ADAM32: variants seen among roughly 807,000 people sequenced by gnomAD.
ADAM32 encodes the protein ADAM metallopeptidase domain 32, also known as disintegrin and metalloproteinase domain-containing protein 32.
ADAM32 carries 89 observed loss-of-function variants against 114.9 expected under a neutral mutation model. The observed-to-expected ratio is 0.77, with a 90% confidence interval of 0.65 to 0.92. The LOEUF (loss-of-function observed/expected upper bound fraction) is 0.92. Among genes scored for constraint, ADAM32 ranks in the 40% least tolerant of loss-of-function variants. The probability of loss-of-function intolerance (pLI) is 0.00; values close to 1 mark genes in which losing one functional copy is unlikely to be tolerated. For synonymous variants in ADAM32, 285 were observed against 307.5 expected, an observed-to-expected ratio of 0.93 and a Z score of 0.77; for missense variants, 870 against 932.8, an observed-to-expected ratio of 0.93 and a Z score of 0.88.
Position 39,107,770 on chromosome 8 carries a change from C to G in ADAM32, c.-6C>G. 1 of 1,550,554 alleles carries G rather than the reference C, an allele frequency of 6.4e-7. No homozygotes were observed. Among genetic ancestry groups the G allele is most frequent in the Non-Finnish European group, 8.7e-7 (1 of 1,146,692 alleles). ...GGCTTCCCGCTGGCAGCCCCGAAGC[C>G]GCACCATGTTCCGCCTCTGGTTGCT... On this transcript the variant is annotated 5_prime_UTR_variant, in exon 1 of 25. Coordinates refer to ENST00000379907, the MANE Select transcript of ADAM32 (RefSeq NM_145004.7).
intron 14 of ADAM32, among the ~76,000 whole-genome samples, chr8:39,230,763 T>C (rs1464516418): frequency 1.3e-5 from 2 of 152,154 alleles, no homozygotes; most frequent in African/African-American, 2.4e-5. Context: ...ATGTGTATCA[T>C]AGAAGGTGCA....
chr8:39,132,313 T>A (rs1029236393), intron 2 of ADAM32, among the ~76,000 whole-genome samples: 5 of 152,260 alleles, frequency 3.3e-5, no homozygotes, highest in African/African-American at 9.6e-5. Context: ...ATACTCAATA[T>A]TTTGCTATTT....
Position 39,282,952 on chromosome 8 carries a change from G to A in ADAM32, c.2319-634G>A, listed in dbSNP as rs569689704. Among the ~76,000 whole-genome samples the A allele has an allele frequency of 2.6e-5, 4 of 152,220 alleles. No individual in the cohort carries two copies. The East Asian group carries it at 5.8e-4, about 22-fold the overall frequency. On this transcript the variant is annotated intron_variant, in intron 23 of 24. Transcript: ENST00000379907. ...AAAATAGCAAAGGTAGGGAAAGGAC[G>A]AAAGAAGTAAAATTGTGCATTATCA...
Position 39,151,533 on chromosome 8 carries a change from T to A in ADAM32, c.510T>A (p.Ile170=). Residue 170 remains isoleucine, a synonymous_variant, in exon 6 of 25, where the codon ATT becomes ATA. Transcript: ENST00000379907. ...SLKEQPMDDN[I]FISEKSEPAV... ...AAGAACAACCAATGGATGACAACAT[T>A]TTTATAAGTGAAAAAGTGAGTTGTA... is the stretch of plus-strand genomic sequence containing the variant. The A allele has an allele frequency of 2.6e-6, 4 of 1,568,516 alleles. No homozygotes were observed. Among genetic ancestry groups the A allele is most frequent in the Non-Finnish European group, 3.4e-6 (4 of 1,163,132 alleles).
chr8:39,136,809 G>C lies in ADAM32; in HGVS notation c.200+91G>C, dbSNP rs183448691. The C allele has an allele frequency of 7.2e-5, 64 of 886,302 alleles. No individual in the cohort carries two copies. In the East Asian group the frequency reaches 1.9e-3, roughly 27 times the overall value. 54.9% of individuals were successfully genotyped at this position (886,302 alleles called of 1,614,324 possible). A position where few individuals can be genotyped will look rare whatever the true frequency, so the allele number is the denominator to read the frequency against. On this transcript the variant is annotated intron_variant, in intron 3 of 24. Coordinates refer to ENST00000379907, the MANE Select transcript of ADAM32 (RefSeq NM_145004.7). ...AAATGGAGTATGAGAAAAATACATGGAATTATTAACTTTTTTAATTGTCTT... is the reference window on the plus strand; with the variant it reads ...AAATGGAGTATGAGAAAAATACATGCAATTATTAACTTTTTTAATTGTCTT...
intron 12 of ADAM32, among the ~76,000 whole-genome samples, chr8:39,212,837 G>T (rs1253070403): frequency 6.6e-6 from 1 of 152,074 alleles, no homozygotes; most frequent in Non-Finnish European, 1.5e-5. Context: ...TTCCAAAATG[G>T]TTGTATCTTT....
At chr8:39,185,898 T>C (rs898729036) in intron 10 of ADAM32, among the ~76,000 whole-genome samples, 1 of 151,696 alleles carries the variant, frequency 6.6e-6, no homozygotes, top group Non-Finnish European at 1.5e-5. Context: ...TTTTTTTAAA[T>C]GCAGGGGCTC....
At chr8:39,124,876 C>T (rs1802020681) in intron 2 of ADAM32, among the ~76,000 whole-genome samples, 1 of 152,170 alleles carries the variant, frequency 6.6e-6, no homozygotes, top group Non-Finnish European at 1.5e-5. Context: ...AAAGGGATTG[C>T]TAGGTCAAAT....
At chr8:39,255,774 T>C (rs1039238003) in intron 18 of ADAM32, among the ~76,000 whole-genome samples, 1 of 152,096 alleles carries the variant, frequency 6.6e-6, no homozygotes, top group Admixed American at 6.6e-5. Flanking sequence ...CATTTGTTTT[T>C]GGGTTCTTGC....
At position 39,223,085 on chromosome 8, in the gene ADAM32, T is replaced by C; in HGVS notation, c.1372T>C (p.Cys458Arg). The change falls in exon 14 of 25, where the codon TGT becomes CGT. Residue 458 changes from cysteine to arginine, a missense_variant. Physicochemically the swap from Cys to Arg is radical, Grantham distance 180. Coordinates refer to ENST00000379907, the MANE Select transcript of ADAM32 (RefSeq NM_145004.7). ...VECRPKAHPE[C>R]DIAENCNGTS... ...ATGTAGGCCGAAAGCACATCCTGAA[T>C]GTGACATCGCTGAAAATTGTAATGG... 6.3e-7 allele frequency: 1 copy of C among 1,591,948 alleles called. No homozygotes were observed. The highest frequency in any genetic ancestry group is 1.2e-5 in the South Asian group (1 of 86,836).
intron 11 of ADAM32, among the ~76,000 whole-genome samples, chr8:39,206,646 T>G (rs2129448114): frequency 6.6e-6 from 1 of 152,304 alleles, no homozygotes; most frequent in Admixed American, 6.5e-5. Flanking sequence ...ATCCTTGAGG[T>G]CACCTTCTTG....
chr8:39,156,523 T>C (rs916560349), intron 6 of ADAM32, among the ~76,000 whole-genome samples: 2 of 152,206 alleles, frequency 1.3e-5, no homozygotes, highest in Non-Finnish European at 2.9e-5. Flanking sequence ...TTGTTACTGT[T>C]TTGTGTGCTT....
At chr8:39,242,306 C>A (rs182700336) in intron 16 of ADAM32, among the ~76,000 whole-genome samples, 4 of 152,334 alleles carry the variant, frequency 2.6e-5, no homozygotes, top group East Asian at 3.9e-4. Context: ...CTGCCTGTTA[C>A]CCAGTTCCAA....
intron 9 of ADAM32, chr8:39,168,068 T>TATGACAA (rs2129446331): frequency 6.6e-6 from 1 of 152,254 alleles, no homozygotes; most frequent in African/African-American, 2.4e-5. Context: ...TGTTTATCTT[T>TATGACAA]ATGACAAATA....
chr8:39,153,199 G>A (rs1030024385), intron 6 of ADAM32, among the ~76,000 whole-genome samples: 1 of 152,204 alleles, frequency 6.6e-6, no homozygotes, highest in Non-Finnish European at 1.5e-5. Context: ...AGAGTGCAGT[G>A]CCAGAGTTTT....
intron 11 of ADAM32, among the ~76,000 whole-genome samples, chr8:39,202,050 T>C (rs527449981): frequency 2.1e-4 from 32 of 152,342 alleles, no homozygotes; most frequent in African/African-American, 7.7e-4. Flanking sequence ...TGAGGATTTT[T>C]GCATTGATGT....
At chr8:39,273,803 AT>A (rs79487994) in intron 20 of ADAM32, among the ~76,000 whole-genome samples, 32,096 of 146,504 alleles carry the variant, frequency 0.22, 3,722 homozygotes, top group East Asian at 0.3. Flanking sequence ...TGTGTGTGTG[AT>A]TTTTTTTTTT....
At chr8:39,173,054 T>G (rs1403489975) in intron 10 of ADAM32, among the ~76,000 whole-genome samples, 1 of 152,166 alleles carries the variant, frequency 6.6e-6, no homozygotes, top group East Asian at 1.9e-4. Context: ...GGTCAGGAGT[T>G]TGAGACCAGC....
rs377232360 is a variant in ADAM32 at position 39,165,104 on chromosome 8, A to C, written c.741A>C (p.Thr247=). ...GGTCAGATGAAAATAAGATTTCTAC[A>C]GTTGGTGAGGCAGATGAATTATTGC... The part of the protein sequence containing the change: ...ELWSDENKIS[T]VGEADELLQK... The change falls in exon 9 of 25, where the codon ACA becomes ACC. Residue 247 remains threonine, a synonymous_variant. Transcript: ENST00000379907. 48 of 1,609,620 alleles carry C rather than the reference A, an allele frequency of 3.0e-5. No individual in the cohort carries two copies. Among genetic ancestry groups the C allele is most frequent in the Admixed American group, 6.7e-5 (4 of 59,524 alleles).
Sources: gnomAD v4.1 joint callset for allele counts (sites outside exome capture counted in the v4.1 genomes callset) on GRCh38, gnomAD v4.1.1 for gene constraint, MANE v1.5 for transcripts, NCBI Gene and HGNC (gene_info 2026-07-23, HGNC 2026-07-21) for gene names.